B3GALT1: variants seen among roughly 807,000 people sequenced by gnomAD.
B3GALT1 encodes UDP-Gal:betaGlcNAc beta 1,3-galactosyltransferase, polypeptide 1.
A neutral mutation model predicts 23.2 loss-of-function variants in B3GALT1; 10 were observed. The ratio of observed to expected loss-of-function variants is 0.43; its 90% confidence interval spans 0.27 to 0.73. The LOEUF (loss-of-function observed/expected upper bound fraction) is 0.73. B3GALT1 is among the 30% of genes least tolerant of loss of function. The pLI is 0.21. For missense variants in B3GALT1, 299 were observed against 405.4 expected (o/e 0.74, Z 2.25); for synonymous variants, 156 against 141.5 (o/e 1.10, Z -0.73).
At chr2:167,823,050 G>A (rs1009092480) in intron 4 of B3GALT1, among the ~76,000 whole-genome samples, 5 of 152,148 alleles carry the variant, frequency 3.3e-5, no homozygotes, top group Non-Finnish European at 7.3e-5. Context: ...CCAGGGTTTT[G>A]AGGAAGGAGG....
At chr2:167,697,347 C>T (rs1050068524) in intron 3 of B3GALT1, among the ~76,000 whole-genome samples, 4 of 152,160 alleles carry the variant, frequency 2.6e-5, no homozygotes, top group Admixed American at 1.3e-4. Context: ...TTCCTTTCAT[C>T]CTAGCATCAA....
intron 1 of B3GALT1, among the ~76,000 whole-genome samples, chr2:167,411,224 TAACAAC>T (rs141653413): frequency 0.1 from 15,356 of 150,654 alleles, 930 homozygotes; most frequent in African/African-American, 0.18. Flanking sequence ...ATCTTCTGTA[TAACAAC>T]AACAACAACA....
At chr2:167,388,706 A>G (rs1275369372) in intron 1 of B3GALT1, among the ~76,000 whole-genome samples, 2 of 152,158 alleles carry the variant, frequency 1.3e-5, no homozygotes, top group African/African-American at 2.4e-5. Flanking sequence ...GCTTCGCCTC[A>G]CCCCAGGTCA....
chr2:167,408,172 A>G (rs1246410763), intron 1 of B3GALT1, among the ~76,000 whole-genome samples: 2 of 152,148 alleles, frequency 1.3e-5, no homozygotes, highest in Admixed American at 1.3e-4. Flanking sequence ...AAGATTATTC[A>G]TCATAACAAA....
intron 2 of B3GALT1, among the ~76,000 whole-genome samples, chr2:167,583,797 C>T (rs1308480001): frequency 6.6e-6 from 1 of 151,996 alleles, no homozygotes; most frequent in Non-Finnish European, 1.5e-5. Flanking sequence ...ATTCTCTGCC[C>T]CATGAATATT....
chr2:167,435,954 A>AACACAC (rs66661618), intron 1 of B3GALT1, among the ~76,000 whole-genome samples: 25 of 139,300 alleles, frequency 1.8e-4, no homozygotes, highest in Non-Finnish European at 2.9e-4. Flanking sequence ...CACACACACA[A>AACACAC]ACACACACAC....
intron 1 of B3GALT1, among the ~76,000 whole-genome samples, chr2:167,373,587 C>T (rs1215347762): frequency 4.6e-5 from 7 of 152,108 alleles, no homozygotes; most frequent in Admixed American, 4.6e-4. Context: ...AACACACACT[C>T]TTATGAAAAG....
At chr2:167,499,696 C>G (rs1209732142) in intron 2 of B3GALT1, among the ~76,000 whole-genome samples, 1 of 152,060 alleles carries the variant, frequency 6.6e-6, no homozygotes. Flanking sequence ...ACCGTCCCCA[C>G]CAAATCCATA....
chr2:167,462,204 TATA>T (rs1699268650), intron 1 of B3GALT1, among the ~76,000 whole-genome samples: 1 of 152,188 alleles, frequency 6.6e-6, no homozygotes, highest in African/African-American at 2.4e-5. Flanking sequence ...TTTATTTTAA[TATA>T]ATTAATTTAG....
chr2:167,329,350 A>G (rs1696939342), intron 1 of B3GALT1, among the ~76,000 whole-genome samples: 2 of 152,144 alleles, frequency 1.3e-5, no homozygotes, highest in Admixed American at 1.3e-4. Context: ...TTTATTCCGT[A>G]CTGGTCTGAG....
At chr2:167,408,351 A>T (rs1698341065) in intron 1 of B3GALT1, among the ~76,000 whole-genome samples, 1 of 152,178 alleles carries the variant, frequency 6.6e-6, no homozygotes, top group African/African-American at 2.4e-5. Flanking sequence ...CAAAATGGGT[A>T]TTGAAGGAAC....
chr2:167,558,025 T>C (rs1302758009), intron 2 of B3GALT1: 4 of 152,240 alleles, frequency 2.6e-5, no homozygotes, highest in Non-Finnish European at 4.4e-5. Context: ...TCAGCCTTGC[T>C]TCTGGACTGG....
chr2:167,635,594 A>G (rs578024415), intron 2 of B3GALT1, among the ~76,000 whole-genome samples: 2 of 149,310 alleles, frequency 1.3e-5, no homozygotes, highest in Non-Finnish European at 3.0e-5. Context: ...CCCATTGACA[A>G]TTGCTACAAA....
chr2:167,788,748 T>C (rs1159713053), intron 3 of B3GALT1, among the ~76,000 whole-genome samples: 1 of 152,094 alleles, frequency 6.6e-6, no homozygotes, highest in Non-Finnish European at 1.5e-5. Flanking sequence ...TACTTGGCTT[T>C]CCCATAACTT....
intron 3 of B3GALT1, among the ~76,000 whole-genome samples, chr2:167,782,686 A>G (rs1410788738): frequency 2.0e-5 from 3 of 152,256 alleles, no homozygotes; most frequent in East Asian, 1.9e-4. Context: ...CCTGGGGGGG[A>G]AAGTTATTTT....
At chr2:167,580,989 T>C (rs1408367476) in intron 2 of B3GALT1, among the ~76,000 whole-genome samples, 1 of 152,194 alleles carries the variant, frequency 6.6e-6, no homozygotes, top group Non-Finnish European at 1.5e-5. Context: ...CTTAAGTCTT[T>C]TGTTATAAAC....
chr2:167,561,448 C>G (rs1046299834), intron 2 of B3GALT1, among the ~76,000 whole-genome samples: 110 of 151,930 alleles, frequency 7.2e-4, no homozygotes, highest in Non-Finnish European at 1.1e-3. Context: ...CAAGAAATAA[C>G]TAAAATCAGA....
rs79744406 is a variant in B3GALT1 at position 167,643,988 on chromosome 2, G to A, written c.-409-2921G>A. Among the ~76,000 whole-genome samples the A allele has an allele frequency of 7.8e-3, 1,187 of 152,156 alleles. 9 individuals are homozygous for A. Among genetic ancestry groups the A allele is most frequent in the Middle Eastern group, 0.017 (5 of 294 alleles). ...AGACAGTGTCAATGTCTGTAAATTG[G>A]GTGGGATTAGCAGTGCAGACAAGAG... On this transcript the variant is annotated intron_variant, in intron 2 of 4. Transcript: ENST00000392690.
chr2:167,432,158 C>T (rs1462451479), intron 1 of B3GALT1, among the ~76,000 whole-genome samples: 6 of 151,954 alleles, frequency 3.9e-5, no homozygotes, highest in African/African-American at 7.3e-5. Flanking sequence ...ACTGCAGGGG[C>T]GCCGGATCTG....
Sources: allele counts gnomAD v4.1 joint callset (sites outside exome capture counted in the v4.1 genomes callset), GRCh38; gene constraint gnomAD v4.1.1; transcripts MANE v1.5; gene names NCBI Gene and HGNC (gene_info 2026-07-23, HGNC 2026-07-21).